ELAVL2: variants seen among roughly 807,000 people sequenced by gnomAD.
ELAVL2 encodes ELAV like RNA binding protein 2, also known as ELAV-like protein 2.
A neutral mutation model predicts 34.6 loss-of-function variants in ELAVL2; 4 were observed. The observed-to-expected ratio is 0.12, with a 90% CI of 0.06 to 0.26. The LOEUF is 0.26. Ranked by LOEUF, ELAVL2 falls within the 10% of genes least tolerant of loss-of-function variation. ELAVL2 has a pLI of 1.00. For missense variants in ELAVL2, 432 were observed against 442.8 expected, an observed-to-expected ratio of 0.98 and a Z score of 0.22; for synonymous variants, 193 against 154.8, an observed-to-expected ratio of 1.25 and a Z score of -1.83.
intron 2 of ELAVL2, among the ~76,000 whole-genome samples, chr9:23,749,523 G>A (rs952976414): frequency 3.7e-5 from 5 of 134,920 alleles, no homozygotes; most frequent in African/African-American, 1.5e-4. Flanking sequence ...TCCCACCTTC[G>A]TATAAACAGG....
intron 1 of ELAVL2, among the ~76,000 whole-genome samples, chr9:23,764,577 A>G (rs1588240417): frequency 6.6e-6 from 1 of 152,208 alleles, no homozygotes; most frequent in East Asian, 1.9e-4. Flanking sequence ...TACTGGGCAA[A>G]TAATTTTCAG....
At chr9:23,698,347 A>G (rs2035984419) in intron 5 of ELAVL2, among the ~76,000 whole-genome samples, 2 of 152,216 alleles carry the variant, frequency 1.3e-5, no homozygotes, top group African/African-American at 4.8e-5. Flanking sequence ...CAGTGCTCAT[A>G]TTACAACAAT....
chr9:23,767,526 A>T lies in ELAVL2; in HGVS notation c.-15-5277T>A, dbSNP rs561808180. Among the ~76,000 whole-genome samples, 133 of 152,330 alleles carry T rather than the reference A, an allele frequency of 8.7e-4. No homozygotes were observed. In the Middle Eastern group the frequency reaches 0.01, roughly 12 times the overall value. On this transcript the variant is annotated intron_variant, in intron 1 of 6. Transcript: ENST00000397312. ...CCAGACTCGGCGGCTCACGTCTGTA[A>T]TCCCAGCACTTTGGGAGGCTGAGGT...
chr9:23,782,558 C>A (rs1352504164), intron 1 of ELAVL2, among the ~76,000 whole-genome samples: 1 of 151,994 alleles, frequency 6.6e-6, no homozygotes, highest in Non-Finnish European at 1.5e-5. Flanking sequence ...GGTGACAGAG[C>A]AAGACTGTCT....
Position 23,691,172 on chromosome 9 carries a change from C to G in ELAVL2, c.*1385G>C, listed in dbSNP as rs545274868. On this transcript the variant is annotated 3_prime_UTR_variant, in exon 7 of 7. Coordinates refer to ENST00000397312, the MANE Select transcript of ELAVL2 (RefSeq NM_004432.5). ...CAACAAAAGTGATTAAGCAAGACCT[C>G]AAGTAACAATGTTAATGCCATTTAC... is the stretch of plus-strand genomic sequence containing the variant. 1.3e-5 allele frequency: 2 copies of G among 152,354 alleles called. No individual in the cohort carries two copies. The highest frequency in any genetic ancestry group is 2.9e-5 in the Non-Finnish European group (2 of 67,954). The allele number at this position is 152,354 out of a possible 1,614,324, so 9.4% of individuals were successfully genotyped here.
At chr9:23,838,274 C>G in the ELAVL2 span, among the ~76,000 whole-genome samples, 4 of 151,280 alleles carry the variant, frequency 2.6e-5, no homozygotes, top group South Asian at 2.1e-4. Flanking sequence ...TTTCATAAGT[C>G]AGAAAAACAG....
chr9:23,735,184 A>C (rs940539235), intron 2 of ELAVL2: 29 of 150,956 alleles, frequency 1.9e-4, no homozygotes, highest in Non-Finnish European at 3.7e-4. Context: ...CTGGTAACTG[A>C]ACATAAAGAA....
intron 2 of ELAVL2, among the ~76,000 whole-genome samples, chr9:23,751,551 G>A (rs547252498): frequency 2.0e-5 from 3 of 152,238 alleles, no homozygotes; most frequent in African/African-American, 4.8e-5. Context: ...CCAAAACACA[G>A]GTCTCTGTAT....
At chr9:23,750,421 C>A (rs2051649441) in intron 2 of ELAVL2, among the ~76,000 whole-genome samples, 1 of 151,946 alleles carries the variant, frequency 6.6e-6, no homozygotes, top group Non-Finnish European at 1.5e-5. Context: ...AAAAAAAGGA[C>A]AACAAATAAT....
At chr9:23,832,063 G>A in the ELAVL2 span, 1 of 152,190 alleles carries the variant, frequency 6.6e-6, no homozygotes, top group African/African-American at 2.4e-5. Context: ...ATCTGAGCAG[G>A]GGTGAGAGGA....
At chr9:23,693,374 A>T in intron 6 of ELAVL2, 74 bp downstream of exon 6, 1 of 1,569,290 alleles carries the variant, frequency 6.4e-7, no homozygotes, top group Non-Finnish European at 8.8e-7. Context: ...AGGGGTGTGA[A>T]TAGCACTCCC....
At chr9:23,794,246 G>C (rs181742269) in intron 1 of ELAVL2, among the ~76,000 whole-genome samples, 2 of 152,242 alleles carry the variant, frequency 1.3e-5, no homozygotes, top group African/African-American at 4.8e-5. Context: ...TACAATCAGG[G>C]CCTGGAATCA....
At chr9:23,730,896 T>A (rs60967256) in intron 3 of ELAVL2, 126 bp downstream of exon 3, 1 of 836,658 alleles carries the variant, frequency 1.2e-6, no homozygotes, top group African/African-American at 1.7e-5. Flanking sequence ...AACACCAAAA[T>A]TCCACTATGT....
intron 3 of ELAVL2, among the ~76,000 whole-genome samples, chr9:23,708,215 T>C (rs1468045311): frequency 1.3e-5 from 2 of 152,182 alleles, no homozygotes; most frequent in Admixed American, 1.3e-4. Flanking sequence ...AGATTATATA[T>C]AAACTTACGT....
chr9:23,813,724 T>G (rs1197108927), intron 1 of ELAVL2, among the ~76,000 whole-genome samples: 1 of 152,054 alleles, frequency 6.6e-6, no homozygotes, highest in Non-Finnish European at 1.5e-5. Context: ...CAACCACGGG[T>G]TAAGGAAGGA....
At chr9:23,807,180 C>T (rs1588691056) in intron 1 of ELAVL2, among the ~76,000 whole-genome samples, 1 of 152,124 alleles carries the variant, frequency 6.6e-6, no homozygotes, top group East Asian at 1.9e-4. Flanking sequence ...AACTAAGAGC[C>T]TAGTCAAGTA....
chr9:23,778,407 T>C (rs1044596802), intron 1 of ELAVL2, among the ~76,000 whole-genome samples: 1 of 152,176 alleles, frequency 6.6e-6, no homozygotes, highest in South Asian at 2.1e-4. Flanking sequence ...GTTCAACATT[T>C]AAAATTTCAC....
At chr9:23,832,732 T>C in the ELAVL2 span, among the ~76,000 whole-genome samples, 12 of 152,286 alleles carry the variant, frequency 7.9e-5, no homozygotes, top group African/African-American at 2.9e-4. Context: ...CTTTAGAAAA[T>C]GAATCAATTT....
chr9:23,737,959 T>C (rs1179098956), intron 2 of ELAVL2, among the ~76,000 whole-genome samples: 1 of 152,172 alleles, frequency 6.6e-6, no homozygotes, highest in Non-Finnish European at 1.5e-5. Context: ...AAAACAAGTT[T>C]TCGTTACAAA....
Sources: allele counts gnomAD v4.1 joint callset (sites outside exome capture counted in the v4.1 genomes callset), GRCh38; gene constraint gnomAD v4.1.1; transcripts MANE v1.5; gene names NCBI Gene and HGNC (gene_info 2026-07-23, HGNC 2026-07-21).